The following MDN1 variants were observed in gnomAD, a reference collection of about 807,000 sequenced individuals.
The protein encoded by MDN1 is midasin.
MDN1 carries 266 observed loss-of-function variants against 669.2 expected under a neutral mutation model. The observed-to-expected ratio is 0.40, with a 90% CI of 0.36 to 0.44. The LOEUF is 0.44. Ranked by LOEUF, MDN1 falls within the 20% of genes least tolerant of loss-of-function variation. The pLI, the probability that MDN1 is intolerant of heterozygous loss-of-function variation, is 1.00. For synonymous variants in MDN1, 2,385 were observed against 2,457.1 expected, an observed-to-expected ratio of 0.97 and a Z score of 0.87; for missense variants, 5,940 against 6,754.0, an observed-to-expected ratio of 0.88 and a Z score of 4.22.
rs1207974221 is a variant in MDN1, at chr6:89,785,051, T to G, written c.1410A>C (p.Lys470Asn). 1.2e-6 allele frequency: 2 copies of G among 1,614,020 alleles called. No individual in the cohort carries two copies. The highest frequency in any genetic ancestry group is 4.5e-5 in the East Asian group (2 of 44,882). ...TCTTATCCAGGTTATCCAGGTGAAT[T>G]TTGGTCCAATATTTGTCTAGCAAAG... ...HATLLDKYWT[K>N]IHLDNLDKRE... Residue 470 changes from lysine to asparagine, a missense_variant, in exon 9 of 102, where the codon AAA (lysine) becomes AAC (asparagine). Lys to Asn is a moderately conservative substitution (Grantham distance 94). Transcript: ENST00000369393.
intron 26 of MDN1, among the ~76,000 whole-genome samples, chr6:89,748,951 G>C (rs943311713): frequency 6.6e-6 from 1 of 151,746 alleles, no homozygotes; most frequent in Admixed American, 6.6e-5. Context: ...CAGCTACTAA[G>C]GAGTGAGTAG....
chr6:89,672,101 C>G (rs1291816882), intron 82 of MDN1, 99 bp downstream of exon 82: 1 of 1,290,948 alleles, frequency 7.7e-7, no homozygotes, highest in African/African-American at 1.5e-5. Context: ...GCACTGAGGC[C>G]TGCTCTGGCA....
At position 89,712,043 on chromosome 6, in the gene MDN1, C is replaced by A; in HGVS notation, c.7644G>T (p.Gln2548His). The A allele has an allele frequency of 6.2e-7, 1 of 1,613,474 alleles. No individual in the cohort carries two copies. The highest frequency in any genetic ancestry group is 1.1e-5 in the South Asian group (1 of 90,988). The change falls in exon 49 of 102, where the codon CAG becomes CAT. Residue 2548 changes from glutamine (Q) to histidine (H), a missense_variant. By Grantham distance (24) the Gln-to-His change is conservative (BLOSUM62 0). Around this residue, in one of 5 missense-constraint regions of MDN1, gnomAD observed 2,292 missense variants for 2,638.3 expected, o/e 0.87. Coordinates refer to ENST00000369393, the MANE Select transcript of MDN1 (RefSeq NM_014611.3). ...WLYHLAKNIPQGLESIQIHLE... is the reference protein window; with the variant it reads ...WLYHLAKNIPHGLESIQIHLE... ...TTAAGCTGTTCTACTCACCAAGCCC[C>A]TGCGGTATATTCTTGGCTAAATGAT...
chr6:89,733,914 T>C (rs1371445218), intron 33 of MDN1, among the ~76,000 whole-genome samples: 2 of 152,072 alleles, frequency 1.3e-5, no homozygotes, highest in African/African-American at 4.8e-5. Context: ...TAACAGAATA[T>C]TAAAACCTGT....
At chr6:89,675,991 G>A (rs1811151391) in intron 77 of MDN1, 111 bp downstream of exon 77, 11 of 923,402 alleles carry the variant, frequency 1.2e-5, no homozygotes, top group Middle Eastern at 2.6e-4. Flanking sequence ...AAAAAGCTCA[G>A]TTCCACTAAC....
rs1307254725 is a variant in MDN1 at position 89,722,857 on chromosome 6, A to T, written c.5967+98T>A. The T allele has an allele frequency of 2.6e-6, 3 of 1,141,212 alleles. No homozygotes were observed. In the African/African-American group the frequency reaches 4.7e-5, roughly 18 times the overall value. The allele number at this position is 1,141,212 out of a possible 1,614,324, so 70.7% of individuals were successfully genotyped here. ...GTGAAACCCAGTCTCAAAAAAAAAA[A>T]AAAAAAAAAAGGCTTGCAATTAGTG... On this transcript the variant is annotated intron_variant, in intron 40 of 101. Coordinates refer to ENST00000369393, the MANE Select transcript of MDN1 (RefSeq NM_014611.3).
chr6:89,700,354 T>A, intron 56 of MDN1, 60 bp from the exon 57 acceptor site: 1 of 1,344,382 alleles, frequency 7.4e-7, no homozygotes, highest in East Asian at 2.3e-5. Flanking sequence ...GCCTCTAGAT[T>A]CTCAACAACC....
At chr6:89,809,533 T>C (rs965207015) in intron 1 of MDN1, among the ~76,000 whole-genome samples, 3 of 151,676 alleles carry the variant, frequency 2.0e-5, no homozygotes, top group African/African-American at 7.3e-5. Flanking sequence ...CCCAGAACTT[T>C]GGGAGGCCAA....
At chr6:89,716,105 A>G (rs2748297) in intron 44 of MDN1, among the ~76,000 whole-genome samples, 127,901 of 152,164 alleles carry the variant, frequency 0.84, 53,964 homozygotes, top group East Asian at 1. Context: ...CATTTAAGGC[A>G]GCTGGATTTC....
rs1486957540 is a variant in MDN1 at position 89,734,673 on chromosome 6, A to G, written c.4724-1898T>C. 7.6e-4 allele frequency among the ~76,000 whole-genome samples: 66 copies of G among 86,382 alleles called. 1 individual carries two copies. Among genetic ancestry groups the G allele is most frequent in the Middle Eastern group, 6.1e-3 (1 of 164 alleles). 56.7% of individuals were successfully genotyped at this position (86,382 alleles called of 152,430 possible). A position where few individuals can be genotyped will look rare whatever the true frequency, so the allele number is the denominator to read the frequency against. On this transcript the variant is annotated intron_variant, in intron 33 of 101. Transcript: ENST00000369393. ...AGACATTGTCTCAAAGGAAGAAGAAAAAAAAAAAAAAAAAAACAAGAGAGA... is the reference window on the plus strand; with the variant it reads ...AGACATTGTCTCAAAGGAAGAAGAAGAAAAAAAAAAAAAAAACAAGAGAGA...
intron 74 of MDN1, among the ~76,000 whole-genome samples, chr6:89,679,663 G>A (rs763016238): frequency 1.3e-5 from 2 of 152,202 alleles, no homozygotes; most frequent in Non-Finnish European, 2.9e-5. Flanking sequence ...GCCAAGGAGA[G>A]AGGCTTCAGA....
At chr6:89,804,120 G>C (rs2128329494) in intron 1 of MDN1, among the ~76,000 whole-genome samples, 1 of 151,148 alleles carries the variant, frequency 6.6e-6, no homozygotes, top group East Asian at 2.0e-4. Flanking sequence ...ATGTTGGCTA[G>C]GCTGGTCTCG....
Position 89,662,292 on chromosome 6 carries a change from T to C in MDN1, c.14413-53A>G, listed in dbSNP as rs919595191. ...CATCACACTCAATCCAAGAAACTGC[T>C]TCTGCATGGGTTGACTTTTAGACAT... is the stretch of plus-strand genomic sequence containing the variant. On this transcript the variant is annotated intron_variant, in intron 86 of 101. Coordinates refer to ENST00000369393, the MANE Select transcript of MDN1 (RefSeq NM_014611.3). 1.9e-5 allele frequency: 30 copies of C among 1,562,564 alleles called. 1 individual carries two copies. Among genetic ancestry groups the C allele is most frequent in the Middle Eastern group, 3.5e-4 (2 of 5,790 alleles).
At chr6:89,816,235 A>G (rs965204701) in intron 1 of MDN1, among the ~76,000 whole-genome samples, 2 of 151,630 alleles carry the variant, frequency 1.3e-5, no homozygotes, top group Admixed American at 1.3e-4. Context: ...CCCCGTCTCT[A>G]CTAAAAATAC....
chr6:89,809,209 C>G (rs1249471296), intron 1 of MDN1, among the ~76,000 whole-genome samples: 1 of 101,350 alleles, frequency 9.9e-6, no homozygotes, highest in African/African-American at 4.2e-5. Flanking sequence ...AGGTGAGACA[C>G]TGTCTCAAAA....
Position 89,654,207 on chromosome 6 carries a change from C to A in MDN1, c.15618G>T (p.Gln5206His). 1 of 1,614,240 alleles carries A rather than the reference C, an allele frequency of 6.2e-7. No homozygotes were observed. The highest frequency in any genetic ancestry group is 1.1e-5 in the South Asian group (1 of 91,086). The change falls in exon 93 of 102, where the codon CAG becomes CAT. Residue 5206 changes from glutamine (Q) to histidine (H), a missense_variant. By Grantham distance (24) the Gln-to-His change is conservative. Coordinates refer to ENST00000369393, the MANE Select transcript of MDN1 (RefSeq NM_014611.3). Reference protein sequence around the residue: ...QEEFKAADVEQLKPEEIKSGT... With the variant: ...QEEFKAADVEHLKPEEIKSGT... ...CCGACTTGATTTCCTCTGGCTTCAG[C>A]TGCTCCACGTCTGCTGCTTTGAACT...
intron 77 of MDN1, 46 bp from the exon 78 acceptor site, chr6:89,675,625 T>C: frequency 6.6e-7 from 1 of 1,523,628 alleles, no homozygotes; most frequent in Non-Finnish European, 9.1e-7. Flanking sequence ...CTGACAAACA[T>C]CACCCACAGA....
At chr6:89,670,501 C>T (rs1319191908) in intron 83 of MDN1, among the ~76,000 whole-genome samples, 1 of 151,944 alleles carries the variant, frequency 6.6e-6, no homozygotes, top group Non-Finnish European at 1.5e-5. Flanking sequence ...TAATAACAGG[C>T]CCATTATCAT....
chr6:89,653,218 G>A (rs1809003267), intron 93 of MDN1, 63 bp from the exon 94 acceptor site: 1 of 1,454,138 alleles, frequency 6.9e-7, no homozygotes, highest in East Asian at 2.3e-5. Flanking sequence ...CCAAGCCTTT[G>A]CTATTGCCTG....
Sources: gnomAD v4.1 joint callset for allele counts (sites outside exome capture counted in the v4.1 genomes callset) on GRCh38, gnomAD v4.1.1 for gene constraint, gnomAD v4.1.1 regional missense constraint, MANE v1.5 for transcripts, NCBI Gene and HGNC (gene_info 2026-07-23, HGNC 2026-07-21) for gene names.